STXBP4: variants seen among roughly 807,000 people sequenced by gnomAD.
STXBP4 encodes syntaxin-binding protein 4.
Under a neutral mutation model 76.1 loss-of-function variants are expected in STXBP4, and 55 were observed. The ratio of observed to expected loss-of-function variants is 0.72; its 90% confidence interval spans 0.58 to 0.91. The LOEUF is 0.91. Among genes scored for constraint, STXBP4 ranks in the 40% least tolerant of loss-of-function variants. The pLI is 0.00. For missense variants in STXBP4, 618 were observed against 636.9 expected (o/e 0.97, Z 0.32); for synonymous variants, 201 against 220.2 (o/e 0.91, Z 0.77).
chr17:54,993,956 C>T (rs969481254), intron 4 of STXBP4, among the ~76,000 whole-genome samples: 2 of 152,122 alleles, frequency 1.3e-5, no homozygotes, highest in Non-Finnish European at 2.9e-5. Context: ...TTTGCCACCA[C>T]CCACCCCAAA....
At chr17:55,117,704 T>C (rs1231150502) in intron 16 of STXBP4, among the ~76,000 whole-genome samples, 1 of 151,962 alleles carries the variant, frequency 6.6e-6, no homozygotes, top group Non-Finnish European at 1.5e-5. Context: ...GTTTACATTA[T>C]GTGGGCAAAA....
At chr17:55,057,892 T>A (rs2078949230) in intron 12 of STXBP4, among the ~76,000 whole-genome samples, 1 of 152,198 alleles carries the variant, frequency 6.6e-6, no homozygotes, top group Non-Finnish European at 1.5e-5. Context: ...GTCTTTTCTT[T>A]TTTATGGCTG....
the STXBP4 span, among the ~76,000 whole-genome samples, chr17:55,185,764 G>A: frequency 2.8e-4 from 42 of 152,304 alleles, no homozygotes; most frequent in Admixed American, 1.1e-3. Context: ...CAGACTCAAC[G>A]CATCCACTCA....
chr17:55,174,522 A>G (rs1199312504), downstream of STXBP4, among the ~76,000 whole-genome samples: 1 of 152,138 alleles, frequency 6.6e-6, no homozygotes, highest in African/African-American at 2.4e-5. Context: ...TATTTTGCCC[A>G]TTTTTTTAAA....
intron 16 of STXBP4, among the ~76,000 whole-genome samples, chr17:55,097,546 T>C (rs540705987): frequency 9.1e-4 from 138 of 151,852 alleles, no homozygotes; most frequent in African/African-American, 2.8e-3. Context: ...GCCTGTAGTA[T>C]CAGCTACTCA....
At chr17:55,183,813 TG>T in the STXBP4 span, among the ~76,000 whole-genome samples, 1 of 152,220 alleles carries the variant, frequency 6.6e-6, no homozygotes. Flanking sequence ...TAATAAAAAA[TG>T]GTTTAATTTG....
chr17:55,023,805 A>C (rs2078358490), intron 8 of STXBP4, among the ~76,000 whole-genome samples: 1 of 150,664 alleles, frequency 6.6e-6, no homozygotes, highest in African/African-American at 2.4e-5. Context: ...TCAGACTTAG[A>C]TATTGGGGCT....
chr17:54,990,083 TATC>T (rs1213541293), intron 3 of STXBP4, among the ~76,000 whole-genome samples: 6 of 152,228 alleles, frequency 3.9e-5, no homozygotes, highest in Admixed American at 3.9e-4. Flanking sequence ...AAATAAGCAT[TATC>T]ATTGTAAATT....
chr17:55,004,850 C>G (rs1409863089), intron 7 of STXBP4, among the ~76,000 whole-genome samples: 1 of 151,938 alleles, frequency 6.6e-6, no homozygotes, highest in Non-Finnish European at 1.5e-5. Flanking sequence ...ATAAGCCATA[C>G]TTAGAAAAAC....
At chr17:55,111,851 A>T (rs1292160955) in intron 16 of STXBP4, among the ~76,000 whole-genome samples, 1 of 152,140 alleles carries the variant, frequency 6.6e-6, no homozygotes, top group African/African-American at 2.4e-5. Flanking sequence ...CTGGAATGGT[A>T]TTCCTTCAGA....
At chr17:55,145,470 AC>A in intron 17 of STXBP4, among the ~76,000 whole-genome samples, 1 of 152,350 alleles carries the variant, frequency 6.6e-6, no homozygotes, top group South Asian at 2.1e-4. Context: ...TTGAATTGTT[AC>A]ATCTGATGGA....
intron 8 of STXBP4, among the ~76,000 whole-genome samples, chr17:55,012,143 A>G (rs867244232): frequency 4.6e-5 from 7 of 152,200 alleles, no homozygotes; most frequent in South Asian, 2.1e-4. Context: ...ATTGAAATGT[A>G]TAGCCTGCAG....
chr17:55,205,327 T>C, the STXBP4 span, among the ~76,000 whole-genome samples: 4 of 152,062 alleles, frequency 2.6e-5, no homozygotes, highest in South Asian at 4.1e-4. Flanking sequence ...TTTGCCATCA[T>C]ATAAAATGAA....
intron 16 of STXBP4, among the ~76,000 whole-genome samples, chr17:55,088,917 A>G (rs2079374508): frequency 6.6e-6 from 1 of 152,192 alleles, no homozygotes; most frequent in Non-Finnish European, 1.5e-5. Flanking sequence ...ACAGTAGAGA[A>G]GTGTGTAAAT....
At chr17:55,175,708 C>T (rs1384874275), downstream of STXBP4, among the ~76,000 whole-genome samples, 4 of 152,132 alleles carry the variant, frequency 2.6e-5, no homozygotes, top group Non-Finnish European at 4.4e-5. Context: ...AAAATGAGAC[C>T]GTGGAGGATC....
the STXBP4 span, among the ~76,000 whole-genome samples, chr17:55,179,126 A>G: frequency 6.6e-6 from 1 of 152,220 alleles, no homozygotes; most frequent in East Asian, 1.9e-4. Flanking sequence ...AATCATCAGT[A>G]TAATCATAAT....
intron 16 of STXBP4, among the ~76,000 whole-genome samples, chr17:55,134,329 A>G (rs1311316834): frequency 6.6e-6 from 1 of 152,128 alleles, no homozygotes; most frequent in East Asian, 1.9e-4. Flanking sequence ...GTTATTTTAT[A>G]TGAAATGTAT....
intron 16 of STXBP4, among the ~76,000 whole-genome samples, chr17:55,110,222 A>G (rs768686151): frequency 3.3e-5 from 5 of 152,192 alleles, no homozygotes; most frequent in African/African-American, 4.8e-5. Context: ...TGCCACTTTG[A>G]AGGACCCTTA....
chr17:55,078,732 T>G lies in STXBP4; in HGVS notation c.1352T>G (p.Leu451Ter). Reference sequence around the variant, plus strand: ...GATAATTCTACTCCTTTATCAAATTTAAGGTAAGAAAATTTAAGTGCTTTT... The same window carrying G: ...GATAATTCTACTCCTTTATCAAATTGAAGGTAAGAAAATTTAAGTGCTTTT... ...FSDNSTPLSN[L>*]SERRAVLASQ... The change falls in exon 15 of 18, where the codon TTA (leucine) becomes TGA (stop). Residue 451 changes from leucine (L) to a stop codon, truncating the protein, a stop_gained. Coordinates refer to ENST00000376352, the MANE Select transcript of STXBP4 (RefSeq NM_178509.6). LOFTEE classifies it high-confidence loss of function. 1.3e-6 allele frequency: 2 copies of G among 1,534,266 alleles called. No individual in the cohort carries two copies. Among genetic ancestry groups the G allele is most frequent in the Non-Finnish European group, 1.8e-6 (2 of 1,109,728 alleles).
Sources: allele counts gnomAD v4.1 joint callset (sites outside exome capture counted in the v4.1 genomes callset), GRCh38; gene constraint gnomAD v4.1.1; transcripts MANE v1.5; gene names NCBI Gene and HGNC (gene_info 2026-07-23, HGNC 2026-07-21).